Variants in ARAP2 observed in about 807,000 individuals in gnomAD.
The protein encoded by ARAP2 is arf-GAP with Rho-GAP domain, ANK repeat and PH domain-containing protein 2.
In ARAP2, 148 loss-of-function variants were observed where a neutral mutation model predicts 194.5. The observed-to-expected ratio is 0.76, with a 90% CI of 0.67 to 0.87. The LOEUF (loss-of-function observed/expected upper bound fraction) is 0.87. ARAP2 is among the 40% of genes least tolerant of loss of function. The probability of loss-of-function intolerance (pLI) is 0.00; values close to 1 mark genes in which losing one functional copy is unlikely to be tolerated. For synonymous variants in ARAP2, 695 were observed against 683.5 expected (o/e 1.02, Z -0.26); for missense variants, 2,128 against 1,989.7 (o/e 1.07, Z -1.32).
intron 9 of ARAP2, among the ~76,000 whole-genome samples, chr4:36,169,014 T>A (rs1226545757): frequency 6.6e-6 from 1 of 152,210 alleles, no homozygotes; most frequent in South Asian, 2.1e-4. Flanking sequence ...CTGGATGACA[T>A]ACCCGTTGGA....
At chr4:36,107,741 A>C in intron 26 of ARAP2, 48 bp from the exon 27 acceptor site, 1 of 1,524,820 alleles carries the variant, frequency 6.6e-7, no homozygotes, top group East Asian at 2.3e-5. Flanking sequence ...TGAGGATAAC[A>C]ATTTTTTATT....
chr4:36,072,100 T>C (rs1351041512), intron 32 of ARAP2, among the ~76,000 whole-genome samples: 3 of 151,916 alleles, frequency 2.0e-5, no homozygotes, highest in African/African-American at 7.2e-5. Flanking sequence ...ATGGTTTATA[T>C]GAATTTTTTT....
At chr4:36,180,433 T>A (rs1378107492) in intron 8 of ARAP2, among the ~76,000 whole-genome samples, 1 of 152,230 alleles carries the variant, frequency 6.6e-6, no homozygotes, top group Non-Finnish European at 1.5e-5. Context: ...TATTCTACAT[T>A]TTTCCATCTA....
At chr4:36,150,740 A>T (rs950962050) in intron 16 of ARAP2, among the ~76,000 whole-genome samples, 160 bp downstream of exon 16, 1 of 152,212 alleles carries the variant, frequency 6.6e-6, no homozygotes, top group African/African-American at 2.4e-5. Flanking sequence ...GTGAATTCCC[A>T]AAAGAAATTT....
At chr4:36,073,851 G>T in intron 31 of ARAP2, 28 bp from the exon 32 acceptor site, 1 of 1,611,212 alleles carries the variant, frequency 6.2e-7, no homozygotes, top group South Asian at 1.1e-5. Context: ...CTTGCTGTTG[G>T]TGTGTGATTT....
chr4:36,071,975 T>G (rs574334040), intron 32 of ARAP2, among the ~76,000 whole-genome samples: 6 of 152,168 alleles, frequency 3.9e-5, no homozygotes, highest in African/African-American at 1.4e-4. Context: ...CTTGAAATAC[T>G]TAATATTTTA....
intron 2 of ARAP2, among the ~76,000 whole-genome samples, chr4:36,055,420 T>C (rs1206966224): frequency 2.0e-5 from 3 of 152,216 alleles, no homozygotes; most frequent in Non-Finnish European, 4.4e-5. Flanking sequence ...GGTAATTTGA[T>C]TTAGCATGTC....
At chr4:36,176,275 A>G (rs1478681696) in intron 9 of ARAP2, among the ~76,000 whole-genome samples, 1 of 152,224 alleles carries the variant, frequency 6.6e-6, no homozygotes, top group Non-Finnish European at 1.5e-5. Context: ...TTTGTGGTGA[A>G]GATTAAAAGG....
At chr4:36,210,192 A>G (rs1056562451) in intron 6 of ARAP2, among the ~76,000 whole-genome samples, 198 bp downstream of exon 6, 1 of 152,154 alleles carries the variant, frequency 6.6e-6, no homozygotes, top group Non-Finnish European at 1.5e-5. Context: ...TTAATGCAGC[A>G]TTGCATTGCA....
At chr4:36,015,406 T>C (rs957676190) in exon 8 of ARAP2, 1 of 152,222 alleles carries the variant, frequency 6.6e-6, no homozygotes, top group Non-Finnish European at 1.5e-5. Flanking sequence ...ATGAGCAATT[T>C]GGGCTATGCG....
intron 9 of ARAP2, among the ~76,000 whole-genome samples, chr4:36,174,512 TCTTAAAGCCTAAAGA>T (rs1350169105): frequency 2.0e-5 from 3 of 152,188 alleles, no homozygotes; most frequent in Non-Finnish European, 4.4e-5. Context: ...TTCCACTTCT[TCTTAAAGCCTAAAGA>T]TAGGCTTTAA....
intron 6 of ARAP2, among the ~76,000 whole-genome samples, chr4:36,193,932 C>T (rs953309090): frequency 5.3e-5 from 8 of 152,304 alleles, no homozygotes; most frequent in Middle Eastern, 3.4e-3. Context: ...GTCAGAAACA[C>T]TGTCACTGAA....
chr4:36,065,331 T>G (rs1436572746), downstream of ARAP2: 3 of 503,740 alleles, frequency 6.0e-6, no homozygotes, highest in African/African-American at 5.9e-5. Context: ...CCCAAAGAGC[T>G]GGCTGTAGTG....
intron 9 of ARAP2, among the ~76,000 whole-genome samples, chr4:36,009,504 G>T (rs28698079): frequency 5.9e-5 from 9 of 151,864 alleles, no homozygotes; most frequent in Admixed American, 2.6e-4. Context: ...AACAGACACT[G>T]GGCAATACAA....
At chr4:36,063,617 A>C (rs975402948), downstream of ARAP2, among the ~76,000 whole-genome samples, 82 of 152,234 alleles carry the variant, frequency 5.4e-4, no homozygotes, top group African/African-American at 1.9e-3. Context: ...CTAAACATAA[A>C]AACAGCTTGA....
chr4:36,089,767 A>C (rs1164594630), intron 28 of ARAP2, among the ~76,000 whole-genome samples: 4 of 152,018 alleles, frequency 2.6e-5, no homozygotes, highest in African/African-American at 9.7e-5. Flanking sequence ...CCTTGCCATA[A>C]TTTTTATTGA....
intron 11 of ARAP2, among the ~76,000 whole-genome samples, chr4:36,163,426 G>T (rs552272928): frequency 2.0e-4 from 31 of 152,258 alleles, no homozygotes; most frequent in Admixed American, 7.8e-4. Context: ...GTTGGTAAAT[G>T]TGGTGAAAAG....
intron 32 of ARAP2, among the ~76,000 whole-genome samples, chr4:36,071,806 C>T (rs541694622): frequency 9.9e-5 from 15 of 151,062 alleles, no homozygotes; most frequent in African/African-American, 2.2e-4. Context: ...CCCACTAACT[C>T]GTCATCTAGC....
chr4:36,131,611 TTAAA>T (rs1321133704), intron 20 of ARAP2, among the ~76,000 whole-genome samples: 1 of 151,638 alleles, frequency 6.6e-6, no homozygotes, highest in Non-Finnish European at 1.5e-5. Context: ...TATTTTAAAC[TTAAA>T]TAAACACAAG....
Sources: gnomAD v4.1 joint callset for allele counts (sites outside exome capture counted in the v4.1 genomes callset) on GRCh38, gnomAD v4.1.1 for gene constraint, MANE v1.5 for transcripts, NCBI Gene and HGNC (gene_info 2026-07-23, HGNC 2026-07-21) for gene names.